The following PNLIPRP1 variants were observed in gnomAD, a reference collection of about 807,000 sequenced individuals.
PNLIPRP1 encodes the protein pancreatic lipase related protein 1.
PNLIPRP1 carries 57 observed loss-of-function variants against 54.6 expected under a neutral mutation model. The ratio of observed to expected loss-of-function variants is 1.04; its 90% CI spans 0.84 to 1.30. PNLIPRP1 has a LOEUF of 1.30. PNLIPRP1 is among the 50% of genes most tolerant of loss of function. PNLIPRP1 has a pLI of 0.00. For synonymous variants in PNLIPRP1, 232 were observed against 208.8 expected, an observed-to-expected ratio of 1.11 and a Z score of -0.96; for missense variants, 567 against 568.5, an observed-to-expected ratio of 1.00 and a Z score of 0.03.
intron 6 of PNLIPRP1, 103 bp from the exon 7 acceptor site, chr10:116,597,725 C>T: frequency 1.6e-6 from 2 of 1,283,292 alleles, no homozygotes; most frequent in Admixed American, 1.8e-5. Flanking sequence ...GTGCATGGTA[C>T]CCATTGAGTT....
chr10:116,601,046 C>T, intron 9 of PNLIPRP1, 26 bp from the exon 10 acceptor site: 1 of 1,591,470 alleles, frequency 6.3e-7, no homozygotes, highest in Non-Finnish European at 8.5e-7. Flanking sequence ...ATTCTCCTTA[C>T]AGTCCCATCT....
intron 10 of PNLIPRP1, among the ~76,000 whole-genome samples, chr10:116,603,638 T>C (rs1847886528): frequency 6.6e-6 from 1 of 152,118 alleles, no homozygotes; most frequent in Admixed American, 6.6e-5. Flanking sequence ...CACGCCTGTA[T>C]TCCCATCACT....
intron 10 of PNLIPRP1, among the ~76,000 whole-genome samples, chr10:116,602,961 ATGT>A (rs74818995): frequency 0.33 from 49,790 of 151,806 alleles, 8,493 homozygotes; most frequent in Non-Finnish European, 0.36. Context: ...GCACATGCAC[ATGT>A]TGTGTATATG....
intron 12 of PNLIPRP1, among the ~76,000 whole-genome samples, chr10:116,607,774 T>C (rs947211627): frequency 2.4e-4 from 36 of 152,156 alleles, no homozygotes; most frequent in African/African-American, 8.0e-4. Context: ...ACTGCTTACA[T>C]CTGCATTGTT....
At chr10:116,604,238 G>T (rs1554865249) in intron 11 of PNLIPRP1, 100 bp downstream of exon 11, 11 of 572,968 alleles carry the variant, frequency 1.9e-5, no homozygotes, top group Non-Finnish European at 3.1e-5. Context: ...TATGTCACTG[G>T]TTTTTAATTA....
At chr10:116,599,300 A>AT (rs1847791777) in intron 8 of PNLIPRP1, among the ~76,000 whole-genome samples, 1 of 151,792 alleles carries the variant, frequency 6.6e-6, no homozygotes, top group Non-Finnish European at 1.5e-5. Context: ...ATAAAATAAA[A>AT]AATAAAGAAT....
chr10:116,598,312 T>A, intron 8 of PNLIPRP1, 146 bp downstream of exon 8: 1 of 828,746 alleles, frequency 1.2e-6, no homozygotes, highest in South Asian at 1.9e-5. Context: ...AGAAAAAATG[T>A]AGCTACATAG....
intron 6 of PNLIPRP1, among the ~76,000 whole-genome samples, chr10:116,596,592 C>T (rs540416994): frequency 6.6e-6 from 1 of 152,194 alleles, no homozygotes; most frequent in South Asian, 2.1e-4. Flanking sequence ...TGGTGGTGTT[C>T]GCCTCTCAAC....
At chr10:116,607,477 A>C (rs1322619442) in intron 12 of PNLIPRP1, among the ~76,000 whole-genome samples, 1 of 152,124 alleles carries the variant, frequency 6.6e-6, no homozygotes, top group East Asian at 1.9e-4. Context: ...GGAGGCTGTG[A>C]TGGAAGGAAG....
intron 4 of PNLIPRP1, chr10:116,593,693 C>G (rs1847682004): frequency 6.6e-6 from 1 of 152,354 alleles, no homozygotes; most frequent in South Asian, 2.1e-4. Flanking sequence ...CGCAGTGGCT[C>G]ATGCCTGTAA....
At chr10:116,607,909 C>T (rs1554865757) in intron 12 of PNLIPRP1, among the ~76,000 whole-genome samples, 1 of 152,150 alleles carries the variant, frequency 6.6e-6, no homozygotes, top group African/African-American at 2.4e-5. Context: ...GGCTAGAGTA[C>T]AGTGGCATGA....
intron 8 of PNLIPRP1, among the ~76,000 whole-genome samples, chr10:116,599,200 A>G (rs1288640854): frequency 6.6e-6 from 1 of 151,872 alleles, no homozygotes; most frequent in Non-Finnish European, 1.5e-5. Flanking sequence ...GGTTGCAGTG[A>G]GCCGAGACCA....
rs1374066138 is a variant in PNLIPRP1, at chr10:116,594,584, A to G, written c.331-146A>G. ...GCATTCACCCTGAAGGATAACTCCT[A>G]ATTACCAACAGGATTCCCTAACAGA... On this transcript the variant is annotated intron_variant, in intron 4 of 12. Coordinates refer to ENST00000358834, the MANE Select transcript of PNLIPRP1 (RefSeq NM_006229.4). 3 of 844,494 alleles carry G rather than the reference A, an allele frequency of 3.6e-6. No individual in the cohort carries two copies. The Admixed American group carries it at 6.5e-5, about 18-fold the overall frequency. The allele number at this position is 844,494 out of a possible 1,614,324, so 52.3% of individuals were successfully genotyped here. A position where few individuals can be genotyped will look rare whatever the true frequency, so the allele number is the denominator to read the frequency against.
chr10:116,603,965 A>C lies in PNLIPRP1; in HGVS notation c.1064-65A>C, dbSNP rs1554865151. ...TTGCCTCAGAGTAAGAGAAGGAGAC[A>C]AGTCTGGGATGTAGGCTACTTATTT... On this transcript the variant is annotated intron_variant, in intron 10 of 12. Transcript: ENST00000358834. The C allele has an allele frequency of 3.7e-6, 3 of 810,550 alleles. No homozygotes were observed. The African/African-American group carries it at 5.2e-5, about 14-fold the overall frequency. The allele number at this position is 810,550 out of a possible 1,614,324, so 50.2% of individuals were successfully genotyped here.
In PNLIPRP1 at chr10:116,596,249, C is replaced by T. The variant is rs35466965; in HGVS notation, c.501C>T (p.Leu167=). 6.2e-7 allele frequency: 1 copy of T among 1,613,834 alleles called. No individual in the cohort carries two copies. The highest frequency in any genetic ancestry group is 8.5e-7 in the Non-Finnish European group (1 of 1,179,702). The change falls in exon 6 of 13, where the codon CTC becomes CTT. Residue 167 remains leucine, a synonymous_variant. Transcript: ENST00000358834. ...EYSYPPSKVH[L]IGHSLGAHVA... Reference sequence around the variant, plus strand: ...GCTACCCCCCTTCCAAAGTTCACCTCATTGGCCACAGCCTGGGAGCCCACG... The same window carrying T: ...GCTACCCCCCTTCCAAAGTTCACCTTATTGGCCACAGCCTGGGAGCCCACG...
rs1554864569 is a variant in PNLIPRP1 at position 116,600,130 on chromosome 10, G to T, written c.898G>T (p.Ala300Ser). 1 of 1,612,796 alleles carries T rather than the reference G, an allele frequency of 6.2e-7. No homozygotes were observed. Among genetic ancestry groups the T allele is most frequent in the South Asian group, 1.1e-5 (1 of 91,046 alleles). The change falls in exon 9 of 13, where the codon GCA becomes TCA. Residue 300 changes from alanine to serine, a missense_variant. Coordinates refer to ENST00000358834, the MANE Select transcript of PNLIPRP1 (RefSeq NM_006229.4). Reference protein sequence around the residue: ...ESILNPDGFAAYPCTSYKSFE... With the variant: ...ESILNPDGFASYPCTSYKSFE... ...CATCCTCAATCCCGATGGGTTTGCT[G>T]CATATCCCTGCACTTCCTACAAGTC... is the stretch of plus-strand genomic sequence containing the variant.
At chr10:116,604,801 G>A (rs1291250691) in intron 11 of PNLIPRP1, among the ~76,000 whole-genome samples, 1 of 148,806 alleles carries the variant, frequency 6.7e-6, no homozygotes, top group Non-Finnish European at 1.5e-5. Context: ...AAATTCTCGT[G>A]CCTCAGCCTC....
In PNLIPRP1 at chr10:116,604,125, T is replaced by A; in HGVS notation, c.1159T>A (p.Tyr387Asn). ...LFGNKGNTHQ[Y>N]SIFRGILKPG... ...TGGAAATAAGGGAAACACTCACCAGTACAGTATCTTCAGGTAATTTCCTAT... is the reference window on the plus strand; with the variant it reads ...TGGAAATAAGGGAAACACTCACCAGAACAGTATCTTCAGGTAATTTCCTAT... Residue 387 changes from tyrosine to asparagine, a missense_variant, in exon 11 of 13, where the codon TAC (tyrosine) becomes AAC (asparagine). Coordinates refer to ENST00000358834, the MANE Select transcript of PNLIPRP1 (RefSeq NM_006229.4). 1 of 1,585,170 alleles carries A rather than the reference T, an allele frequency of 6.3e-7. No homozygotes were observed. The highest frequency in any genetic ancestry group is 8.7e-7 in the Non-Finnish European group (1 of 1,153,840).
At chr10:116,608,288 G>C (rs1388418586) in intron 12 of PNLIPRP1, among the ~76,000 whole-genome samples, 1 of 152,142 alleles carries the variant, frequency 6.6e-6, no homozygotes, top group African/African-American at 2.4e-5. Flanking sequence ...CCAAAATCTT[G>C]ATTTTCTTTA....
Sources: allele counts gnomAD v4.1 joint callset (sites outside exome capture counted in the v4.1 genomes callset), GRCh38; gene constraint gnomAD v4.1.1; transcripts MANE v1.5; gene names NCBI Gene and HGNC (gene_info 2026-07-23, HGNC 2026-07-21).